Variants in REC114 observed in about 807,000 individuals in gnomAD.
REC114 encodes the protein REC114 meiotic recombination protein.
A neutral mutation model predicts 31.3 loss-of-function variants in REC114; 27 were observed. The ratio of observed to expected loss-of-function variants is 0.86; its 90% CI spans 0.64 to 1.19. REC114 has a LOEUF of 1.19. Among genes scored for constraint, REC114 ranks in the 50% most tolerant of loss-of-function variants. The probability of loss-of-function intolerance (pLI) is 0.00; values close to 1 mark genes in which losing one functional copy is unlikely to be tolerated. For missense variants in REC114, 344 were observed against 326.9 expected (o/e 1.05, Z -0.40); for synonymous variants, 134 against 127.7 (o/e 1.05, Z -0.33).
At chr15:73,553,472 G>A (rs1894420075) in intron 4 of REC114, among the ~76,000 whole-genome samples, 1 of 152,092 alleles carries the variant, frequency 6.6e-6, no homozygotes, top group Non-Finnish European at 1.5e-5. Context: ...CTGCCTGTTA[G>A]ATTCAGATGA....
At chr15:73,499,720 G>A (rs76777534) in intron 2 of REC114, among the ~76,000 whole-genome samples, 7,437 of 152,204 alleles carry the variant, frequency 0.049, 204 homozygotes, top group South Asian at 0.092. Flanking sequence ...AGCATGGAAT[G>A]CAAGGATCTT....
chr15:73,528,373 G>A (rs1014303281), intron 2 of REC114, among the ~76,000 whole-genome samples: 3 of 152,204 alleles, frequency 2.0e-5, no homozygotes, highest in East Asian at 3.9e-4. Flanking sequence ...CTATGGAATC[G>A]AATACCTGTC....
chr15:73,557,427 A>AG (rs1894486066), intron 5 of REC114, among the ~76,000 whole-genome samples: 1 of 151,452 alleles, frequency 6.6e-6, no homozygotes, highest in Non-Finnish European at 1.5e-5. Context: ...AAAAAAAAAA[A>AG]AAAAAAGAAA....
intron 1 of REC114, among the ~76,000 whole-genome samples, chr15:73,463,384 A>G (rs976929556): frequency 9.9e-5 from 15 of 151,676 alleles, no homozygotes; most frequent in African/African-American, 3.6e-4. Flanking sequence ...TTCAGGTTGG[A>G]TTTTCTTGTA....
chr15:73,489,747 GAAAAA>G (rs569484022), intron 2 of REC114, among the ~76,000 whole-genome samples: 1 of 138,720 alleles, frequency 7.2e-6, no homozygotes, highest in East Asian at 2.1e-4. Context: ...GGCTACTCCA[GAAAAA>G]AAAAAAACAA....
intron 3 of REC114, among the ~76,000 whole-genome samples, chr15:73,548,009 A>G (rs1894334695): frequency 6.6e-6 from 1 of 152,244 alleles, no homozygotes; most frequent in Admixed American, 6.5e-5. Flanking sequence ...ATTTTTGCAA[A>G]CTATGCATAT....
At chr15:73,534,345 G>A (rs562163120) in intron 2 of REC114, among the ~76,000 whole-genome samples, 4 of 152,214 alleles carry the variant, frequency 2.6e-5, no homozygotes, top group East Asian at 1.9e-4. Context: ...TGATAAAGGG[G>A]ATATCACCAC....
At chr15:73,455,516 AG>A (rs1471312698) in intron 1 of REC114, among the ~76,000 whole-genome samples, 1 of 152,132 alleles carries the variant, frequency 6.6e-6, no homozygotes, top group Non-Finnish European at 1.5e-5. Context: ...TCAACTCAAG[AG>A]AAAAAATGAA....
intron 2 of REC114, among the ~76,000 whole-genome samples, chr15:73,514,238 C>A (rs1355556243): frequency 2.0e-5 from 3 of 151,124 alleles, no homozygotes; most frequent in African/African-American, 4.9e-5. Context: ...TTCTTTGACT[C>A]GGAAAGGGAA....
intron 3 of REC114, among the ~76,000 whole-genome samples, chr15:73,542,679 GGC>G (rs1418283576): frequency 1.3e-5 from 2 of 152,128 alleles, no homozygotes; most frequent in East Asian, 3.9e-4. Context: ...CTTGTGGATT[GGC>G]TTGTGCTAAT....
At chr15:73,535,138 C>G (rs1894136731) in intron 2 of REC114, among the ~76,000 whole-genome samples, 1 of 143,648 alleles carries the variant, frequency 7.0e-6, no homozygotes, top group Non-Finnish European at 1.5e-5. Context: ...GATGCCCTCT[C>G]TCACCACTCC....
At chr15:73,467,882 G>T (rs1452846590) in intron 1 of REC114, among the ~76,000 whole-genome samples, 1 of 151,536 alleles carries the variant, frequency 6.6e-6, no homozygotes, top group Non-Finnish European at 1.5e-5. Flanking sequence ...CCTTCTGGAG[G>T]CTCAAGAATC....
chr15:73,466,701 T>A (rs540966347), intron 1 of REC114, among the ~76,000 whole-genome samples: 1 of 152,380 alleles, frequency 6.6e-6, no homozygotes, highest in Non-Finnish European at 1.5e-5. Context: ...AATTTCAATG[T>A]TAAAGATATT....
At chr15:73,533,593 C>A (rs1264429866) in intron 2 of REC114, among the ~76,000 whole-genome samples, 1 of 151,564 alleles carries the variant, frequency 6.6e-6, no homozygotes, top group African/African-American at 2.4e-5. Context: ...TAATGGGAGA[C>A]TTTAACACCC....
At chr15:73,467,383 C>T (rs1011484663) in intron 1 of REC114, among the ~76,000 whole-genome samples, 1 of 152,210 alleles carries the variant, frequency 6.6e-6, no homozygotes, top group Non-Finnish European at 1.5e-5. Context: ...CTGCTCCCAA[C>T]ATCCCACCTT....
intron 3 of REC114, among the ~76,000 whole-genome samples, chr15:73,544,483 A>AAT (rs1894282626): frequency 6.6e-6 from 1 of 152,206 alleles, no homozygotes; most frequent in East Asian, 1.9e-4. Flanking sequence ...TCTGAACTGA[A>AAT]ATAAGTAGGT....
chr15:73,453,327 AC>A (rs1441552349), intron 1 of REC114, among the ~76,000 whole-genome samples: 1 of 151,064 alleles, frequency 6.6e-6, no homozygotes, highest in Admixed American at 6.6e-5. Flanking sequence ...AAGGATATGT[AC>A]AAAAGAAGAC....
chr15:73,492,269 C>A (rs749146756), intron 2 of REC114, among the ~76,000 whole-genome samples: 2 of 152,158 alleles, frequency 1.3e-5, no homozygotes, highest in South Asian at 2.1e-4. Context: ...ACAGGACTCT[C>A]CTGTCTGCCT....
At chr15:73,453,931 G>A (rs2151251971) in intron 1 of REC114, among the ~76,000 whole-genome samples, 1 of 146,176 alleles carries the variant, frequency 6.8e-6, no homozygotes, top group Admixed American at 7.1e-5. Flanking sequence ...AGAACACATG[G>A]ACATGGGTGG....
Sources: gnomAD v4.1 joint callset for allele counts (sites outside exome capture counted in the v4.1 genomes callset) on GRCh38, gnomAD v4.1.1 for gene constraint, MANE v1.5 for transcripts, NCBI Gene and HGNC (gene_info 2026-07-23, HGNC 2026-07-21) for gene names.